The following ORMDL3 variants were observed in gnomAD, a reference collection of about 807,000 sequenced individuals.
ORMDL3 encodes ORM1-like protein 3.
In ORMDL3, 6 loss-of-function variants were observed where a neutral mutation model predicts 12.6. That is an observed-to-expected ratio of 0.48 (90% confidence interval 0.26 to 0.94). The LOEUF (loss-of-function observed/expected upper bound fraction) is 0.94. ORMDL3 is among the 40% of genes least tolerant of loss of function. The probability of loss-of-function intolerance (pLI) is 0.14; values close to 1 mark genes in which losing one functional copy is unlikely to be tolerated. For synonymous variants in ORMDL3, 99 were observed against 87.2 expected (o/e 1.14, Z -0.75); for missense variants, 159 against 205.5 (o/e 0.77, Z 1.38).
intron 1 of ORMDL3, chr17:39,925,833 G>A (rs892624371): frequency 6.6e-5 from 10 of 152,194 alleles, no homozygotes; most frequent in African/African-American, 2.4e-4. Context: ...AGCCCACTAG[G>A]CTGGATAATT....
In ORMDL3 at chr17:39,924,229, C is replaced by T. The variant is rs555559629; in HGVS notation, c.-22-4G>A. The T allele has an allele frequency of 1.0e-5, 16 of 1,583,954 alleles. No individual in the cohort carries two copies. The East Asian group carries it at 3.1e-4, about 31-fold the overall frequency. ...CCTGCTGCCCCTCTCTGCTGTTCTG[C>T]AAACAAGCAGCACAGGTCAGACAGG... On this transcript the variant is annotated splice_polypyrimidine_tract_variant and splice_region_variant and intron_variant, in intron 1 of 3. Coordinates refer to ENST00000304046, the MANE Select transcript of ORMDL3 (RefSeq NM_139280.4).
In ORMDL3 at chr17:39,922,428, G is replaced by T; in HGVS notation, c.*122C>A. On this transcript the variant is annotated 3_prime_UTR_variant, in exon 4 of 4. Coordinates refer to ENST00000304046, the MANE Select transcript of ORMDL3 (RefSeq NM_139280.4). ...GGAAGCGAGGGGGGAAATTAGGCCAGAGGCTCAACCCCCATCTCTGGCAGT... is the reference window on the plus strand; with the variant it reads ...GGAAGCGAGGGGGGAAATTAGGCCATAGGCTCAACCCCCATCTCTGGCAGT... 8.0e-7 allele frequency: 1 copy of T among 1,255,120 alleles called. No individual in the cohort carries two copies. The allele number at this position is 1,255,120 out of a possible 1,614,324, so 77.7% of individuals were successfully genotyped here.
At chr17:39,925,483 C>A (rs190669041) in intron 1 of ORMDL3, 14 of 152,308 alleles carry the variant, frequency 9.2e-5, no homozygotes, top group African/African-American at 3.4e-4. Context: ...TGGTAACAGC[C>A]CCATCTTTCC....
Position 39,923,205 on chromosome 17 carries a change from C to A in ORMDL3, c.233G>T (p.Gly78Val). 1 of 1,614,188 alleles carries A rather than the reference C, an allele frequency of 6.2e-7. No homozygotes were observed. The highest frequency in any genetic ancestry group is 8.5e-7 in the Non-Finnish European group (1 of 1,180,014). ...KGTPFETPDQ[G>V]KARLLTHWEQ... ...CCAGTGGGTTAGCAGCCTCGCCTTG[C>A]CCTGGTCCGGGGTCTCAAAGGGTGT... is the stretch of plus-strand genomic sequence containing the variant. Residue 78 changes from glycine (G) to valine (V), a missense_variant, in exon 3 of 4, where the codon GGC (glycine) becomes GTC (valine). By Grantham distance (109) the Gly-to-Val change is moderately radical (BLOSUM62 -3). Coordinates refer to ENST00000304046, the MANE Select transcript of ORMDL3 (RefSeq NM_139280.4).
chr17:39,922,575 C>T lies in ORMDL3; in HGVS notation c.437G>A (p.Arg146Gln), dbSNP rs1304912216. 2 of 1,613,992 alleles carry T rather than the reference C, an allele frequency of 1.2e-6. No individual in the cohort carries two copies. Among genetic ancestry groups the T allele is most frequent in the Non-Finnish European group, 1.7e-6 (2 of 1,179,996 alleles). The change falls in exon 4 of 4, where the codon CGG (arginine) becomes CAG (glutamine). Residue 146 changes from arginine (R) to glutamine (Q), a missense_variant. Coordinates refer to ENST00000304046, the MANE Select transcript of ORMDL3 (RefSeq NM_139280.4). The part of the protein sequence containing the change: ...IPKLPQLHGV[R>Q]IFGINKY ...TCAGTACTTATTGATTCCAAAAATCCGGACTCCGTGGAGCTGGGGCAGCTT... is the reference window on the plus strand; with the variant it reads ...TCAGTACTTATTGATTCCAAAAATCTGGACTCCGTGGAGCTGGGGCAGCTT...
intron 2 of ORMDL3, among the ~76,000 whole-genome samples, chr17:39,923,572 C>T (rs765994772): frequency 2.6e-5 from 4 of 151,938 alleles, no homozygotes; most frequent in African/African-American, 9.7e-5. Context: ...AGGAGGCAAG[C>T]GATGGGACTA....
In ORMDL3 at chr17:39,924,180, G is replaced by A. The variant is rs752908046; in HGVS notation, c.24C>T (p.Ser8=). 18 of 1,609,740 alleles carry A rather than the reference G, an allele frequency of 1.1e-5. No individual in the cohort carries two copies. The highest frequency in any genetic ancestry group is 1.4e-5 in the Non-Finnish European group (17 of 1,177,680). MNVGTAH[S]EVNPNTRVMN... The stretch of plus-strand genomic sequence containing the variant: ...TCACCCGCGTGTTGGGGTTCACCTC[G>A]CTGTGCGCTGTGCCCACATTCATCC... The change falls in exon 2 of 4, where the codon AGC becomes AGT. Residue 8 remains serine, a synonymous_variant. Coordinates refer to ENST00000304046, the MANE Select transcript of ORMDL3 (RefSeq NM_139280.4).
chr17:39,926,500 T>G (rs1598288177), intron 1 of ORMDL3: 1 of 151,934 alleles, frequency 6.6e-6, no homozygotes, highest in Non-Finnish European at 1.5e-5. Flanking sequence ...CTGGCAGAGG[T>G]CGACTAGGTC....
rs1007829891 is a variant in ORMDL3, at chr17:39,921,409, C to T, written c.*1141G>A. ...CTGTGCTGCTTGAGCAGGGATCCTA[C>T]AGGACTCTCACCACAGACCCCACAT... is the stretch of plus-strand genomic sequence containing the variant. On this transcript the variant is annotated 3_prime_UTR_variant, in exon 4 of 4. Transcript: ENST00000304046. The T allele has an allele frequency of 6.6e-6, 1 of 152,474 alleles. No homozygotes were observed. The highest frequency in any genetic ancestry group is 1.5e-5 in the Non-Finnish European group (1 of 68,140). The allele number at this position is 152,474 out of a possible 1,614,324, so 9.4% of individuals were successfully genotyped here.
rs1978509714 is a variant in ORMDL3, at chr17:39,927,579, C to T, written c.-118G>A. The T allele has an allele frequency of 1.0e-6, 1 of 985,706 alleles. No individual in the cohort carries two copies. Among genetic ancestry groups the T allele is most frequent in the Non-Finnish European group, 1.2e-6 (1 of 830,100 alleles). The allele number at this position is 985,706 out of a possible 1,614,324, so 61.1% of individuals were successfully genotyped here. A position where few individuals can be genotyped will look rare whatever the true frequency, so the allele number is the denominator to read the frequency against. ...GTAACAACCCGCGGCTGCAGCCTCC[C>T]CGCTGGCAGCTCCGGCCGAATCAGC... On this transcript the variant is annotated 5_prime_UTR_variant, in exon 1 of 4. Transcript: ENST00000304046.
At position 39,924,141 on chromosome 17, in the gene ORMDL3, G is replaced by A. The variant is rs1348501816; in HGVS notation, c.63C>T (p.Gly21=). 6.2e-6 allele frequency: 10 copies of A among 1,614,132 alleles called. No individual in the cohort carries two copies. Among genetic ancestry groups the A allele is most frequent in the Non-Finnish European group, 8.5e-6 (10 of 1,179,970 alleles). ...NPNTRVMNSR[G]IWLSYVLAIG... ...TGGCCAGCACGTAGGAGAGCCAGATGCCACGGCTGTTCATCACCCGCGTGT... is the reference window on the plus strand; with the variant it reads ...TGGCCAGCACGTAGGAGAGCCAGATACCACGGCTGTTCATCACCCGCGTGT... The change falls in exon 2 of 4, where the codon GGC becomes GGT. Residue 21 remains glycine (G), a synonymous_variant. Transcript: ENST00000304046.
Position 39,922,623 on chromosome 17 carries a change from G to C in ORMDL3, c.389C>G (p.Ser130Cys). 6.2e-7 allele frequency: 1 copy of C among 1,614,176 alleles called. No homozygotes were observed. The highest frequency in any genetic ancestry group is 8.5e-7 in the Non-Finnish European group (1 of 1,180,012). The part of the protein sequence containing the change: ...DQIHFVLNTV[S>C]LMSVLIPKLP... ...CTTGGGGATAAGCACGCTCATCAGG[G>C]ACACGGTGTTGAGCACAAAATGGAT... The change falls in exon 4 of 4, where the codon TCC becomes TGC. Residue 130 changes from serine (S) to cysteine (C), a missense_variant. By Grantham distance (112) the Ser-to-Cys change is moderately radical. Coordinates refer to ENST00000304046, the MANE Select transcript of ORMDL3 (RefSeq NM_139280.4).
rs981149119 is a variant in ORMDL3, at chr17:39,927,481, C to T, written c.-23+3G>A. On this transcript the variant is annotated splice_donor_region_variant and intron_variant, in intron 1 of 3. Coordinates refer to ENST00000304046, the MANE Select transcript of ORMDL3 (RefSeq NM_139280.4). ...GGGGCCTCTTGGTTCCTTCCGGGCT[C>T]ACCGTGTGGGGCCGAAGATCAACGG... is the stretch of plus-strand genomic sequence containing the variant. 14 of 985,306 alleles carry T rather than the reference C, an allele frequency of 1.4e-5. No homozygotes were observed. The African/African-American group carries it at 2.1e-4, about 15-fold the overall frequency. 61.0% of individuals were successfully genotyped at this position (985,306 alleles called of 1,614,324 possible).
Position 39,927,587 on chromosome 17 carries a change from A to T in ORMDL3, c.-126T>A, listed in dbSNP as rs1978510732. On this transcript the variant is annotated 5_prime_UTR_variant, in exon 1 of 4. Coordinates refer to ENST00000304046, the MANE Select transcript of ORMDL3 (RefSeq NM_139280.4). ...CCGCGGCTGCAGCCTCCCCGCTGGC[A>T]GCTCCGGCCGAATCAGCGCTCCGCG... 1.1e-5 allele frequency: 11 copies of T among 985,576 alleles called. No homozygotes were observed. Among genetic ancestry groups the T allele is most frequent in the Middle Eastern group, 5.2e-4 (1 of 1,938 alleles). The allele number at this position is 985,576 out of a possible 1,614,324, so 61.1% of individuals were successfully genotyped here. A position where few individuals can be genotyped will look rare whatever the true frequency, so the allele number is the denominator to read the frequency against.
At chr17:39,923,679 G>C (rs1375447526) in intron 2 of ORMDL3, among the ~76,000 whole-genome samples, 1 of 152,156 alleles carries the variant, frequency 6.6e-6, no homozygotes, top group Non-Finnish European at 1.5e-5. Context: ...ACTTGAGAAA[G>C]GGGCATTTCT....
chr17:39,924,205 C>T lies in ORMDL3; in HGVS notation c.-2G>A, dbSNP rs1978322756. ...GCTGTGCGCTGTGCCCACATTCATC[C>T]TGCTGCCCCTCTCTGCTGTTCTGCA... On this transcript the variant is annotated 5_prime_UTR_variant, in exon 2 of 4. Transcript: ENST00000304046. The T allele has an allele frequency of 1.2e-6, 2 of 1,600,194 alleles. No individual in the cohort carries two copies. Among genetic ancestry groups the T allele is most frequent in the African/African-American group, 2.7e-5 (2 of 74,800 alleles).
At position 39,922,461 on chromosome 17, in the gene ORMDL3, G is replaced by A; in HGVS notation, c.*89C>T. ...ACCCCCATCTCTGGCAGTGTCCAGAGGCTTCTTCTTTCTGTCTTCAGTGTT... is the reference window on the plus strand; with the variant it reads ...ACCCCCATCTCTGGCAGTGTCCAGAAGCTTCTTCTTTCTGTCTTCAGTGTT... On this transcript the variant is annotated 3_prime_UTR_variant, in exon 4 of 4. Coordinates refer to ENST00000304046, the MANE Select transcript of ORMDL3 (RefSeq NM_139280.4). 1.4e-6 allele frequency: 2 copies of A among 1,458,068 alleles called. No individual in the cohort carries two copies. The highest frequency in any genetic ancestry group is 2.3e-5 in the East Asian group (1 of 43,290). 90.3% of individuals were successfully genotyped at this position (1,458,068 alleles called of 1,614,324 possible).
At chr17:39,927,205 C>T in intron 1 of ORMDL3, 1 of 217,170 alleles carries the variant, frequency 4.6e-6, no homozygotes, top group Non-Finnish European at 7.8e-6. Flanking sequence ...GTTCACCCAG[C>T]CCTGGAGGCA....
In ORMDL3 at chr17:39,924,359, T is replaced by C. The variant is rs556681670; in HGVS notation, c.-22-134A>G. On this transcript the variant is annotated intron_variant, in intron 1 of 3. Transcript: ENST00000304046. ...GTTCCACTCTTTTGATTCTGAAGCATGGAAAGTGGAGAAAGTCCATGTGGA... is the reference window on the plus strand; with the variant it reads ...GTTCCACTCTTTTGATTCTGAAGCACGGAAAGTGGAGAAAGTCCATGTGGA... The C allele has an allele frequency of 3.6e-6, 3 of 825,748 alleles. No individual in the cohort carries two copies. The South Asian group carries it at 5.7e-5, about 16-fold the overall frequency. 51.2% of individuals were successfully genotyped at this position (825,748 alleles called of 1,614,324 possible).
Sources: allele counts gnomAD v4.1 joint callset (sites outside exome capture counted in the v4.1 genomes callset), GRCh38; gene constraint gnomAD v4.1.1; transcripts MANE v1.5; gene names NCBI Gene and HGNC (gene_info 2026-07-23, HGNC 2026-07-21).